LRRC37A2: variants seen among roughly 807,000 people sequenced by gnomAD.
LRRC37A2 encodes the protein leucine rich repeat containing 37 member A2.
In LRRC37A2, 9 loss-of-function variants were observed where a neutral mutation model predicts 68.8. The observed-to-expected ratio is 0.13, with a 90% confidence interval of 0.08 to 0.23. The LOEUF (loss-of-function observed/expected upper bound fraction) is 0.23, where lower values mean the gene tolerates loss of function less well. Ranked by LOEUF, LRRC37A2 falls within the 10% of genes least tolerant of loss-of-function variation. The pLI, the probability that LRRC37A2 is intolerant of heterozygous loss-of-function variation, is 1.00. For synonymous variants in LRRC37A2, 63 were observed against 367.6 expected, an observed-to-expected ratio of 0.17 and a Z score of 9.48; for missense variants, 168 against 950.4, an observed-to-expected ratio of 0.18 and a Z score of 10.82.
the LRRC37A2 span, among the ~76,000 whole-genome samples, chr17:46,912,783 C>T: frequency 6.6e-6 from 1 of 152,162 alleles, no homozygotes; most frequent in African/African-American, 2.4e-5. Context: ...TGACTGGGGT[C>T]ATTGTTGCTG....
chr17:47,018,990 C>T, the LRRC37A2 span: 3 of 1,510,316 alleles, frequency 2.0e-6, no homozygotes, highest in Admixed American at 3.3e-5. Flanking sequence ...TCAAGCTCAG[C>T]ATCCAGTGTC....
the LRRC37A2 span, chr17:46,936,809 A>T: frequency 2.0e-6 from 2 of 984,458 alleles, no homozygotes; most frequent in African/African-American, 3.5e-5. Context: ...CATTTCTCTG[A>T]TCTCTGATGG....
At chr17:46,504,572 A>G in the LRRC37A2 span, 2 of 25,828 alleles carry the variant, frequency 7.7e-5, no homozygotes, top group Non-Finnish European at 1.2e-4. Context: ...TTGCCATCCT[A>G]TGATTGCAGG....
the LRRC37A2 span, among the ~76,000 whole-genome samples, chr17:46,693,433 C>T: frequency 2.0e-5 from 3 of 151,608 alleles, no homozygotes; most frequent in African/African-American, 4.9e-5. Context: ...CCAGGGAGTG[C>T]GTTTCAGATC....
chr17:46,667,948 C>T, the LRRC37A2 span, among the ~76,000 whole-genome samples: 1 of 140,258 alleles, frequency 7.1e-6, no homozygotes, highest in Non-Finnish European at 1.6e-5. Context: ...CCCAGCTTAA[C>T]CTCCATGGTC....
chr17:46,807,429 C>A, the LRRC37A2 span, among the ~76,000 whole-genome samples: 1,060 of 152,246 alleles, frequency 7.0e-3, 9 homozygotes, highest in African/African-American at 0.023. Flanking sequence ...TTGCAGTGAG[C>A]CGAGATCATG....
chr17:46,770,137 A>T, the LRRC37A2 span: 1 of 1,446,934 alleles, frequency 6.9e-7, no homozygotes, highest in Non-Finnish European at 9.1e-7. Context: ...ACGTGAGGGG[A>T]ACGAGGCCAG....
chr17:46,832,284 G>A, the LRRC37A2 span, among the ~76,000 whole-genome samples: 3 of 152,138 alleles, frequency 2.0e-5, no homozygotes, highest in East Asian at 1.9e-4. Flanking sequence ...CCCCCACCCC[G>A]GGCCGGCTGA....
the LRRC37A2 span, among the ~76,000 whole-genome samples, chr17:46,858,745 C>T: frequency 3.3e-5 from 5 of 152,190 alleles, no homozygotes; most frequent in Non-Finnish European, 7.3e-5. Flanking sequence ...CAGCTCACTA[C>T]AGCCTCGACC....
At chr17:46,769,610 G>A in the LRRC37A2 span, among the ~76,000 whole-genome samples, 1 of 152,204 alleles carries the variant, frequency 6.6e-6, no homozygotes, top group African/African-American at 2.4e-5. Flanking sequence ...GGAGGAAGGA[G>A]GGTGGACAGA....
At chr17:46,868,329 T>C in the LRRC37A2 span, among the ~76,000 whole-genome samples, 5,221 of 152,304 alleles carry the variant, frequency 0.034, 393 homozygotes, top group East Asian at 0.34. Flanking sequence ...TGGTGGCTCA[T>C]GCCTGTAATC....
At chr17:46,755,290 C>G in the LRRC37A2 span, 1 of 1,599,798 alleles carries the variant, frequency 6.3e-7, no homozygotes. Flanking sequence ...ATTAACCCAT[C>G]TTCATTTCTT....
At chr17:46,951,648 T>G in the LRRC37A2 span, among the ~76,000 whole-genome samples, 1 of 152,190 alleles carries the variant, frequency 6.6e-6, no homozygotes, top group South Asian at 2.1e-4. Flanking sequence ...ATTGGAGAGC[T>G]TCCCCGTTCC....
At chr17:47,034,541 T>G in the LRRC37A2 span, among the ~76,000 whole-genome samples, 1 of 152,102 alleles carries the variant, frequency 6.6e-6, no homozygotes, top group Non-Finnish European at 1.5e-5. Flanking sequence ...TAACAAACTT[T>G]GCTAAGTTGT....
At chr17:46,781,926 C>T in the LRRC37A2 span, among the ~76,000 whole-genome samples, 1 of 152,166 alleles carries the variant, frequency 6.6e-6, no homozygotes, top group East Asian at 1.9e-4. Context: ...GGAGGAGAAC[C>T]CAGGGCTCAC....
At chr17:46,979,647 G>A in the LRRC37A2 span, among the ~76,000 whole-genome samples, 1 of 152,186 alleles carries the variant, frequency 6.6e-6, no homozygotes, top group Non-Finnish European at 1.5e-5. Context: ...CACTGGCCCC[G>A]GGTCTCCTGG....
the LRRC37A2 span, among the ~76,000 whole-genome samples, chr17:46,620,317 T>C: frequency 3.4e-4 from 3 of 8,772 alleles, 1 homozygote; most frequent in African/African-American, 1.5e-3. Context: ...CTCGCTCTCT[T>C]TTTTTTTTTT....
At chr17:46,768,725 CCAG>C in the LRRC37A2 span, 1 of 1,614,168 alleles carries the variant, frequency 6.2e-7, no homozygotes, top group Admixed American at 1.7e-5. This position sits in a 1 kb window ranked among gnomAD's most constrained non-coding sequence, Gnocchi z 5.0. Flanking sequence ...GCTGCGCCCA[CCAG>C]CAGGTCTTCA....
At chr17:46,898,984 C>T in the LRRC37A2 span, among the ~76,000 whole-genome samples, 1 of 152,110 alleles carries the variant, frequency 6.6e-6, no homozygotes, top group Non-Finnish European at 1.5e-5. Context: ...CAGCATTATT[C>T]ATAATAAGGA....
Sources: allele counts gnomAD v4.1 joint callset (sites outside exome capture counted in the v4.1 genomes callset), GRCh38; gene constraint gnomAD v4.1.1; non-coding constraint Gnocchi (gnomAD v3.1); transcripts MANE v1.5; gene names NCBI Gene and HGNC (gene_info 2026-07-23, HGNC 2026-07-21).